Variants in LRMDA observed in about 807,000 individuals in gnomAD.
LRMDA encodes the protein leucine rich melanocyte differentiation associated, also known as leucine-rich melanocyte differentiation-associated protein.
Under a neutral mutation model 29.8 loss-of-function variants are expected in LRMDA, and 18 were observed. The observed-to-expected ratio is 0.60, with a 90% CI of 0.42 to 0.90. LRMDA has a LOEUF of 0.90. LRMDA is among the 40% of genes least tolerant of loss of function. The probability of loss-of-function intolerance (pLI) is 0.00; values close to 1 mark genes in which losing one functional copy is unlikely to be tolerated. For synonymous variants in LRMDA, 125 were observed against 109.4 expected (o/e 1.14, Z -0.89); for missense variants, 273 against 273.9 (o/e 1.00, Z 0.02).
At chr10:76,547,542 C>G (rs1843436256) in intron 6 of LRMDA, among the ~76,000 whole-genome samples, 1 of 152,148 alleles carries the variant, frequency 6.6e-6, no homozygotes, top group African/African-American at 2.4e-5. Flanking sequence ...GCTTTCCTAA[C>G]TTCATGCTGC....
At chr10:76,521,902 C>A (rs1384865862) in intron 6 of LRMDA, among the ~76,000 whole-genome samples, 1 of 152,136 alleles carries the variant, frequency 6.6e-6, no homozygotes. Context: ...ATTCTTTATA[C>A]CCCACAATAT....
chr10:75,831,051 T>A lies in LRMDA; in HGVS notation c.132-204957T>A, dbSNP rs550748568. On this transcript the variant is annotated intron_variant, in intron 2 of 6. Transcript: ENST00000611255. The stretch of plus-strand genomic sequence containing the variant: ...AAATCCAGCAGGGAAGTCAAATCTT[T>A]TTTTTTTTTTTGAGACAGAGTTTCA... Among the ~76,000 whole-genome samples, 19 of 151,746 alleles carry A rather than the reference T, an allele frequency of 1.3e-4. No individual in the cohort carries two copies. The South Asian group carries it at 2.7e-3, about 22-fold the overall frequency.
At position 75,692,247 on chromosome 10, in the gene LRMDA, T is replaced by TATATAC. The variant is rs1491551304; in HGVS notation, c.131+253754_131+253755insTATACA. On this transcript the variant is annotated intron_variant, in intron 2 of 6. Transcript: ENST00000611255. ...ATATATATATATATATATATATATA[T>TATATAC]ACATATATATATTTTATATAAATAT... 3.3e-3 allele frequency among the ~76,000 whole-genome samples: 430 copies of TATATAC among 131,612 alleles called. 3 individuals carry two copies. Among genetic ancestry groups the TATATAC allele is most frequent in the African/African-American group, 0.012 (416 of 34,248 alleles). 86.3% of individuals were successfully genotyped at this position (131,612 alleles called of 152,430 possible).
In LRMDA at chr10:76,558,648, A is replaced by G. The variant is rs1297115375; in HGVS notation, c.*1360A>G. ...CAGTTTGATGACAGCAAAACCTGAA[A>G]GAGAATCCCTCCAAGTTATAGATAC... is the stretch of plus-strand genomic sequence containing the variant. On this transcript the variant is annotated 3_prime_UTR_variant, in exon 7 of 7. Coordinates refer to ENST00000611255, the MANE Select transcript of LRMDA (RefSeq NM_001305581.2). The G allele has an allele frequency of 6.6e-6, 1 of 152,212 alleles. No homozygotes were observed. Among genetic ancestry groups the G allele is most frequent in the African/African-American group, 2.4e-5 (1 of 41,450 alleles). The allele number at this position is 152,212 out of a possible 1,614,324, so 9.4% of individuals were successfully genotyped here. A position where few individuals can be genotyped will look rare whatever the true frequency, so the allele number is the denominator to read the frequency against.
chr10:76,130,693 CTT>C (rs971491343), intron 5 of LRMDA, among the ~76,000 whole-genome samples: 1 of 152,060 alleles, frequency 6.6e-6, no homozygotes, highest in Non-Finnish European at 1.5e-5. Context: ...AAGTTTCACT[CTT>C]GTTACCCAGG....
intron 2 of LRMDA, among the ~76,000 whole-genome samples, chr10:75,871,462 G>A (rs1307417767): frequency 6.6e-6 from 1 of 152,156 alleles, no homozygotes; most frequent in Non-Finnish European, 1.5e-5. Flanking sequence ...TTTCATGCAG[G>A]CAGCTCTGGG....
chr10:75,435,786 C>T (rs1438310023), intron 1 of LRMDA, among the ~76,000 whole-genome samples: 1 of 152,144 alleles, frequency 6.6e-6, no homozygotes, highest in Non-Finnish European at 1.5e-5. Flanking sequence ...GCAAATATCC[C>T]TCTCTTTTCC....
intron 2 of LRMDA, among the ~76,000 whole-genome samples, chr10:75,468,832 G>A (rs546577513): frequency 4.6e-5 from 7 of 152,060 alleles, no homozygotes; most frequent in Admixed American, 2.0e-4. Context: ...CAAAGGCTTC[G>A]TTCTGATTAA....
chr10:76,363,172 AGAAAGGAGGGAGG>A (rs1841338374), intron 6 of LRMDA, among the ~76,000 whole-genome samples: 1 of 17,346 alleles, frequency 5.8e-5, no homozygotes, highest in African/African-American at 2.2e-4. Flanking sequence ...AAAGAAAGAA[AGAAAGGAGGGAGG>A]GAGGGAGGGA....
chr10:75,894,391 G>A (rs1845548290), intron 2 of LRMDA, among the ~76,000 whole-genome samples: 1 of 152,206 alleles, frequency 6.6e-6, no homozygotes, highest in Non-Finnish European at 1.5e-5. Flanking sequence ...GTATTCCACT[G>A]TATACATATA....
At chr10:76,231,391 G>T (rs192045074) in intron 5 of LRMDA, among the ~76,000 whole-genome samples, 1 of 152,228 alleles carries the variant, frequency 6.6e-6, no homozygotes, top group Non-Finnish European at 1.5e-5. Context: ...AGGGCTAGAA[G>T]ATTGCTTTGT....
At chr10:76,557,001 G>A (rs1843566177) in intron 6 of LRMDA, among the ~76,000 whole-genome samples, 2 of 152,170 alleles carry the variant, frequency 1.3e-5, no homozygotes, top group South Asian at 2.1e-4. Flanking sequence ...TACTTGTAGT[G>A]ACATTTTATT....
chr10:76,308,465 C>T (rs1437246958), intron 5 of LRMDA, among the ~76,000 whole-genome samples: 1 of 152,174 alleles, frequency 6.6e-6, no homozygotes, highest in African/African-American at 2.4e-5. Flanking sequence ...CTTGTTTCCC[C>T]TCCCAAGACT....
intron 2 of LRMDA, among the ~76,000 whole-genome samples, chr10:75,993,770 C>T (rs1847411700): frequency 6.6e-6 from 1 of 151,884 alleles, no homozygotes; most frequent in Admixed American, 6.6e-5. Context: ...TTTATTCCCT[C>T]AGGGTCATAT....
At chr10:75,770,743 G>C (rs542868877) in intron 2 of LRMDA, among the ~76,000 whole-genome samples, 2 of 152,308 alleles carry the variant, frequency 1.3e-5, no homozygotes, top group South Asian at 2.1e-4. Flanking sequence ...TGGTGACCAA[G>C]TTCTAATTCA....
Position 75,837,002 on chromosome 10 carries a change from A to G in LRMDA, c.132-199006A>G, listed in dbSNP as rs543940638. Among the ~76,000 whole-genome samples, 11 of 152,312 alleles carry G rather than the reference A, an allele frequency of 7.2e-5. No individual in the cohort carries two copies. The South Asian group carries it at 1.2e-3, about 17-fold the overall frequency. Reference sequence around the variant, plus strand: ...GAATAGAAAAAATATCTAACTGTACATGTAAGCATAGACTCACTGGGTACA... The same window carrying G: ...GAATAGAAAAAATATCTAACTGTACGTGTAAGCATAGACTCACTGGGTACA... On this transcript the variant is annotated intron_variant, in intron 2 of 6. Transcript: ENST00000611255.
rs184342047 is a variant in LRMDA at position 76,398,427 on chromosome 10, T to A, written c.601+73942T>A. Among the ~76,000 whole-genome samples, 352 of 152,344 alleles carry A rather than the reference T, an allele frequency of 2.3e-3. 4 individuals are homozygous for A. Among genetic ancestry groups the A allele is most frequent in the Middle Eastern group, 6.8e-3 (2 of 294 alleles). Reference sequence around the variant, plus strand: ...TAATGTGACCTCCTGTTGCTTTGCATAGAGGCAGTATTCATTTCAGTACAC... The same window carrying A: ...TAATGTGACCTCCTGTTGCTTTGCAAAGAGGCAGTATTCATTTCAGTACAC... On this transcript the variant is annotated intron_variant, in intron 6 of 6. Coordinates refer to ENST00000611255, the MANE Select transcript of LRMDA (RefSeq NM_001305581.2).
At chr10:75,940,613 A>G (rs1357160816) in intron 2 of LRMDA, among the ~76,000 whole-genome samples, 1 of 152,118 alleles carries the variant, frequency 6.6e-6, no homozygotes, top group Non-Finnish European at 1.5e-5. Context: ...GTCCCATCTC[A>G]TCGCCACTCC....
At chr10:75,923,773 C>A (rs1425775876) in intron 2 of LRMDA, among the ~76,000 whole-genome samples, 1 of 152,120 alleles carries the variant, frequency 6.6e-6, no homozygotes, top group African/African-American at 2.4e-5. Flanking sequence ...GTGTGTGACA[C>A]CCTTCAGAGG....
Sources: allele counts gnomAD v4.1 joint callset (sites outside exome capture counted in the v4.1 genomes callset), GRCh38; gene constraint gnomAD v4.1.1; transcripts MANE v1.5; gene names NCBI Gene and HGNC (gene_info 2026-07-23, HGNC 2026-07-21).